P2RX7: variants seen among roughly 807,000 people sequenced by gnomAD.
P2RX7 encodes the protein purinergic receptor P2X 7.
A neutral mutation model predicts 71.6 loss-of-function variants in P2RX7; 62 were observed. The ratio of observed to expected loss-of-function variants is 0.87; its 90% CI spans 0.71 to 1.07. The LOEUF (loss-of-function observed/expected upper bound fraction) is 1.07. Among genes scored for constraint, P2RX7 ranks in the 50% least tolerant of loss-of-function variants. The pLI is 0.00. For missense variants in P2RX7, 686 were observed against 748.5 expected (o/e 0.92, Z 0.97); for synonymous variants, 299 against 283.3 (o/e 1.06, Z -0.56).
At position 121,167,605 on chromosome 12, in the gene P2RX7, T is replaced by A; in HGVS notation, c.862T>A (p.Tyr288Asn). 7 of 1,593,822 alleles carry A rather than the reference T, an allele frequency of 4.4e-6. No individual in the cohort carries two copies. Among genetic ancestry groups the A allele is most frequent in the Non-Finnish European group, 6.0e-6 (7 of 1,168,908 alleles). Residue 288 changes from tyrosine (Y) to asparagine (N), a missense_variant, in exon 8 of 13, where the codon TAC (tyrosine) becomes AAC (asparagine). Coordinates refer to ENST00000328963, the MANE Select transcript of P2RX7 (RefSeq NM_002562.6). ...CGACAAGACCACCAACGTGTCCTTG[T>A]ACCCTGGCTACAACTTCAGGTAACT... ...LDDKTTNVSL[Y>N]PGYNFRYAKY...
intron 1 of P2RX7, among the ~76,000 whole-genome samples, chr12:121,135,397 T>C (rs1057215966): frequency 2.0e-5 from 3 of 151,874 alleles, no homozygotes; most frequent in Non-Finnish European, 2.9e-5. Flanking sequence ...GTATATAAAA[T>C]ACATGTATGT....
chr12:121,159,360 T>A (rs1234957330), intron 3 of P2RX7, among the ~76,000 whole-genome samples: 1 of 134,688 alleles, frequency 7.4e-6, no homozygotes, highest in Non-Finnish European at 1.5e-5. Flanking sequence ...GAGGTTACAG[T>A]GAGCCAAGAT....
In P2RX7 at chr12:121,176,679, G is replaced by A. The variant is rs577238865; in HGVS notation, c.973-468G>A. Among the ~76,000 whole-genome samples, 4 of 151,008 alleles carry A rather than the reference G, an allele frequency of 2.6e-5. No homozygotes were observed. In the South Asian group the frequency reaches 8.4e-4, roughly 32 times the overall value. On this transcript the variant is annotated intron_variant, in intron 9 of 12. Transcript: ENST00000328963. ...AGGCAGGAGTATCTCTTGAACCCAG[G>A]AGGCGGAGCTTGCAGTGAGCCGAGA...
intron 1 of P2RX7, chr12:121,148,909 G>T: frequency 2.8e-6 from 1 of 360,460 alleles, no homozygotes; most frequent in Non-Finnish European, 5.4e-6. Flanking sequence ...GGTCCATGAA[G>T]ATGTTTGTTG....
At chr12:121,177,596 AT>A in intron 11 of P2RX7, 150 bp downstream of exon 11, 12 of 789,304 alleles carry the variant, frequency 1.5e-5, no homozygotes, top group East Asian at 2.7e-5. Context: ...TCTCAGATAA[AT>A]TTTTTGGTCT....
chr12:121,142,143 GC>G (rs1288778338), intron 1 of P2RX7, among the ~76,000 whole-genome samples: 1 of 152,170 alleles, frequency 6.6e-6, no homozygotes, highest in Non-Finnish European at 1.5e-5. Flanking sequence ...GGTGTCTGAG[GC>G]TGTATTAGTT....
intron 7 of P2RX7, 24 bp from the exon 8 acceptor site, chr12:121,167,464 G>A: frequency 6.2e-7 from 1 of 1,613,464 alleles, no homozygotes; most frequent in Non-Finnish European, 8.5e-7. Context: ...CAGCCATAGA[G>A]ACTGTCCCTT....
At chr12:121,160,201 G>T (rs1363500480) in intron 3 of P2RX7, among the ~76,000 whole-genome samples, 1 of 150,646 alleles carries the variant, frequency 6.6e-6, no homozygotes, top group African/African-American at 2.4e-5. Flanking sequence ...AGGCTGGAGT[G>T]CAGTGACGCA....
Position 121,184,949 on chromosome 12 carries a change from G to A in P2RX7, c.*147G>A. ...AAAATACAAAAATCAGCCAGACATGGTGGCATGCACCTGCAATCCCAGCTA... is the reference window on the plus strand; with the variant it reads ...AAAATACAAAAATCAGCCAGACATGATGGCATGCACCTGCAATCCCAGCTA... On this transcript the variant is annotated 3_prime_UTR_variant, in exon 13 of 13. Coordinates refer to ENST00000328963, the MANE Select transcript of P2RX7 (RefSeq NM_002562.6). 3 of 633,640 alleles carry A rather than the reference G, an allele frequency of 4.7e-6. No individual in the cohort carries two copies. The highest frequency in any genetic ancestry group is 3.0e-5 in the Admixed American group (1 of 33,516). The allele number at this position is 633,640 out of a possible 1,614,324, so 39.3% of individuals were successfully genotyped here.
At position 121,175,143 on chromosome 12, in the gene P2RX7, C is replaced by CTACAAAAAA. The variant is rs575127149; in HGVS notation, c.882-234_882-226dup. Among the ~76,000 whole-genome samples, 63 of 151,872 alleles carry CTACAAAAAA rather than the reference C, an allele frequency of 4.1e-4. No individual in the cohort carries two copies. In the East Asian group the frequency reaches 0.012, roughly 28 times the overall value. ...TGGGCAACATGGCAAAAGCCCGTCT[C>CTACAAAAAA]TACAAAAAATACAAAAAATTAGCCG... On this transcript the variant is annotated intron_variant, in intron 8 of 12. Coordinates refer to ENST00000328963, the MANE Select transcript of P2RX7 (RefSeq NM_002562.6).
At chr12:121,167,020 C>T (rs951915995) in intron 7 of P2RX7, among the ~76,000 whole-genome samples, 1 of 150,774 alleles carries the variant, frequency 6.6e-6, no homozygotes, top group African/African-American at 2.4e-5. Context: ...CCACTGCACT[C>T]CAGCCTAGGT....
At chr12:121,171,862 C>CTT (rs779128209) in intron 8 of P2RX7, among the ~76,000 whole-genome samples, 9 of 131,134 alleles carry the variant, frequency 6.9e-5, no homozygotes, top group Non-Finnish European at 1.3e-4. Context: ...TTCTTTCTTT[C>CTT]TTTTTTTTTT....
At chr12:121,174,992 T>C (rs1347671248) in intron 8 of P2RX7, among the ~76,000 whole-genome samples, 2 of 151,994 alleles carry the variant, frequency 1.3e-5, no homozygotes, top group Non-Finnish European at 2.9e-5. Flanking sequence ...CAGGCCACTG[T>C]TTTGGCTTTT....
chr12:121,146,653 A>C (rs1462571365), intron 1 of P2RX7, among the ~76,000 whole-genome samples: 1 of 152,196 alleles, frequency 6.6e-6, no homozygotes, highest in African/African-American at 2.4e-5. Flanking sequence ...GAAATGGTTC[A>C]AGTTTTTGTG....
At chr12:121,183,399 T>A (rs1463814505) in intron 12 of P2RX7, among the ~76,000 whole-genome samples, 2 of 150,504 alleles carry the variant, frequency 1.3e-5, no homozygotes, top group Admixed American at 1.3e-4. Flanking sequence ...GGTGAAACTC[T>A]GTCTCTACTA....
At chr12:121,177,645 G>C (rs1430497833) in intron 11 of P2RX7, among the ~76,000 whole-genome samples, 199 bp downstream of exon 11, 2 of 152,134 alleles carry the variant, frequency 1.3e-5, no homozygotes, top group Non-Finnish European at 2.9e-5. Context: ...GGGCAAGATA[G>C]AGGGAAGGCA....
Position 121,177,431 on chromosome 12 carries a change from T to G in P2RX7, c.1173T>G (p.Ile391Met). ...ACTACAGGAAGAAGTGCGAGTCCAT[T>G]GTGGAGCCAAAGCCGGTGAGGCCGC... ...EYYYRKKCESIVEPKPTLKYV... is the reference protein window; with the variant it reads ...EYYYRKKCESMVEPKPTLKYV... Residue 391 changes from isoleucine (I) to methionine (M), a missense_variant, in exon 11 of 13, where the codon ATT becomes ATG. Coordinates refer to ENST00000328963, the MANE Select transcript of P2RX7 (RefSeq NM_002562.6). The G allele has an allele frequency of 6.2e-7, 1 of 1,613,244 alleles. No homozygotes were observed. Among genetic ancestry groups the G allele is most frequent in the South Asian group, 1.1e-5 (1 of 91,018 alleles).
At chr12:121,179,869 G>T (rs557967530) in intron 11 of P2RX7, among the ~76,000 whole-genome samples, 1 of 150,440 alleles carries the variant, frequency 6.6e-6, no homozygotes, top group African/African-American at 2.4e-5. Context: ...ATGGGGTTCC[G>T]CCTGGCGTGG....
At chr12:121,164,254 C>T (rs1880529737) in intron 5 of P2RX7, among the ~76,000 whole-genome samples, 1 of 152,196 alleles carries the variant, frequency 6.6e-6, no homozygotes, top group Non-Finnish European at 1.5e-5. Flanking sequence ...TATGAATTAG[C>T]TAAGATGGTT....
Sources: gnomAD v4.1 joint callset for allele counts (sites outside exome capture counted in the v4.1 genomes callset) on GRCh38, gnomAD v4.1.1 for gene constraint, MANE v1.5 for transcripts, NCBI Gene and HGNC (gene_info 2026-07-23, HGNC 2026-07-21) for gene names.